The following SPAG16 variants were observed in gnomAD, a reference collection of about 807,000 sequenced individuals.
SPAG16 encodes sperm associated antigen 16.
A neutral mutation model predicts 80.4 loss-of-function variants in SPAG16; 86 were observed. The ratio of observed to expected loss-of-function variants is 1.07; its 90% CI spans 0.90 to 1.28. The LOEUF is 1.28. SPAG16 is among the 50% of genes most tolerant of loss of function. The pLI is 0.00. For synonymous variants in SPAG16, 294 were observed against 265.9 expected (o/e 1.11, Z -1.03); for missense variants, 870 against 765.3 (o/e 1.14, Z -1.61).
intron 15 of SPAG16, among the ~76,000 whole-genome samples, chr2:214,267,132 A>T (rs1260399128): frequency 1.3e-5 from 2 of 151,740 alleles, no homozygotes; most frequent in Non-Finnish European, 3.0e-5. Context: ...TAACTAAAGT[A>T]ACTTTTACCA....
intron 12 of SPAG16, among the ~76,000 whole-genome samples, chr2:213,991,938 A>C (rs2046305678): frequency 6.6e-6 from 1 of 151,854 alleles, no homozygotes; most frequent in Non-Finnish European, 1.5e-5. Flanking sequence ...TAGTGGGTGC[A>C]GCCAGGTAGG....
At chr2:213,411,497 A>G (rs1312254907) in intron 9 of SPAG16, among the ~76,000 whole-genome samples, 1 of 152,244 alleles carries the variant, frequency 6.6e-6, no homozygotes, top group Non-Finnish European at 1.5e-5. Context: ...CTTAGACATG[A>G]TATTAGCAGA....
chr2:214,273,329 C>T (rs1418463175), intron 15 of SPAG16, among the ~76,000 whole-genome samples: 9 of 152,106 alleles, frequency 5.9e-5, no homozygotes, highest in Non-Finnish European at 1.3e-4. Context: ...GCTTTTGTTG[C>T]CATTGCTTTT....
chr2:213,554,763 G>T (rs1347602238), intron 10 of SPAG16, among the ~76,000 whole-genome samples: 1 of 151,542 alleles, frequency 6.6e-6, no homozygotes, highest in Non-Finnish European at 1.5e-5. Flanking sequence ...AAAAATCTGT[G>T]AATTTGAAGA....
chr2:214,108,733 T>C (rs1281915782), intron 14 of SPAG16, among the ~76,000 whole-genome samples: 1 of 152,210 alleles, frequency 6.6e-6, no homozygotes, highest in African/African-American at 2.4e-5. Flanking sequence ...AGAACAGCTT[T>C]GATTTGACAG....
At position 214,123,429 on chromosome 2, in the gene SPAG16, G is replaced by T. The variant is rs190660849; in HGVS notation, c.1593+15168G>T. Among the ~76,000 whole-genome samples the T allele has an allele frequency of 2.3e-3, 345 of 151,962 alleles. 3 individuals carry two copies. Among genetic ancestry groups the T allele is most frequent in the African/African-American group, 7.6e-3 (316 of 41,490 alleles). On this transcript the variant is annotated intron_variant, in intron 14 of 15. Coordinates refer to ENST00000331683, the MANE Select transcript of SPAG16 (RefSeq NM_024532.5). ...AATCAATCGTTTGTTTTCTATATAT[G>T]TATCTTTGGATAACTTTAAAACCTT...
chr2:213,699,904 G>C (rs545252729), intron 10 of SPAG16, among the ~76,000 whole-genome samples: 4 of 152,172 alleles, frequency 2.6e-5, no homozygotes, highest in Non-Finnish European at 5.9e-5. Context: ...ATTTGTGTGA[G>C]TCTGATAGGA....
intron 12 of SPAG16, among the ~76,000 whole-genome samples, chr2:213,953,831 G>A (rs1413989198): frequency 1.3e-5 from 2 of 151,756 alleles, no homozygotes; most frequent in Non-Finnish European, 2.9e-5. Flanking sequence ...AGTACTCAAA[G>A]CAATTCATTA....
intron 10 of SPAG16, among the ~76,000 whole-genome samples, chr2:213,670,691 T>C (rs1255644871): frequency 1.3e-5 from 2 of 152,210 alleles, no homozygotes; most frequent in African/African-American, 2.4e-5. Context: ...TAGTGCTGAT[T>C]GATCACCAGA....
chr2:213,855,819 C>A (rs1170878150), intron 10 of SPAG16, among the ~76,000 whole-genome samples: 1 of 152,152 alleles, frequency 6.6e-6, no homozygotes, highest in Non-Finnish European at 1.5e-5. Flanking sequence ...ATTTTCTCCA[C>A]CTGGTCCTGC....
At chr2:214,182,074 C>T (rs1291439549) in intron 15 of SPAG16, among the ~76,000 whole-genome samples, 1 of 151,754 alleles carries the variant, frequency 6.6e-6, no homozygotes, top group Non-Finnish European at 1.5e-5. Context: ...TCTACTTGAT[C>T]ATGGAATAAA....
Position 213,889,831 on chromosome 2 carries a change from G to A in SPAG16, c.1214+27203G>A, listed in dbSNP as rs903181227. Among the ~76,000 whole-genome samples, 5 of 151,300 alleles carry A rather than the reference G, an allele frequency of 3.3e-5. No individual in the cohort carries two copies. The South Asian group carries it at 6.2e-4, about 19-fold the overall frequency. On this transcript the variant is annotated intron_variant, in intron 11 of 15. Coordinates refer to ENST00000331683, the MANE Select transcript of SPAG16 (RefSeq NM_024532.5). ...TGACATCAAATGTTGCCTATGGGAA[G>A]CCTCTAATCAACTAAATATCTCGAC... is the stretch of plus-strand genomic sequence containing the variant.
At chr2:213,820,674 AT>A (rs1418195256) in intron 10 of SPAG16, among the ~76,000 whole-genome samples, 1 of 152,038 alleles carries the variant, frequency 6.6e-6, no homozygotes, top group African/African-American at 2.4e-5. Context: ...TAAATTTTAA[AT>A]TTGCTATATA....
intron 10 of SPAG16, among the ~76,000 whole-genome samples, chr2:213,557,091 G>T (rs1033994900): frequency 2.0e-5 from 3 of 152,112 alleles, no homozygotes; most frequent in African/African-American, 7.2e-5. Context: ...TATGTTATTT[G>T]TGGGTTTTTT....
chr2:213,690,650 C>T (rs2064902608), intron 10 of SPAG16, among the ~76,000 whole-genome samples: 1 of 152,134 alleles, frequency 6.6e-6, no homozygotes, highest in East Asian at 1.9e-4. Context: ...ATTTGTCTGC[C>T]AGTGCAGGTA....
intron 12 of SPAG16, among the ~76,000 whole-genome samples, chr2:213,941,392 A>G (rs2079191029): frequency 6.6e-6 from 1 of 152,144 alleles, no homozygotes; most frequent in Non-Finnish European, 1.5e-5. Context: ...ACTGAGGTAC[A>G]TAAATATAAT....
intron 3 of SPAG16, among the ~76,000 whole-genome samples, chr2:213,307,327 G>T (rs2062981786): frequency 6.8e-6 from 1 of 146,234 alleles, no homozygotes; most frequent in African/African-American, 2.5e-5. Context: ...CTAGCATTAG[G>T]TATATCTCCC....
intron 13 of SPAG16, among the ~76,000 whole-genome samples, chr2:214,059,246 G>T (rs867324600): frequency 2.3e-5 from 2 of 85,664 alleles, no homozygotes; most frequent in Admixed American, 1.1e-4. Context: ...ATATATGTAT[G>T]TATATATATG....
intron 10 of SPAG16, among the ~76,000 whole-genome samples, chr2:213,572,715 G>T (rs2059960158): frequency 6.6e-6 from 1 of 152,088 alleles, no homozygotes; most frequent in Non-Finnish European, 1.5e-5. Flanking sequence ...TGCCCCCAGA[G>T]GTGGAGCCTA....
Sources: gnomAD v4.1 joint callset for allele counts (sites outside exome capture counted in the v4.1 genomes callset) on GRCh38, gnomAD v4.1.1 for gene constraint, MANE v1.5 for transcripts, NCBI Gene and HGNC (gene_info 2026-07-23, HGNC 2026-07-21) for gene names.